Variants in SCFD2 observed in about 807,000 individuals in gnomAD.
The protein encoded by SCFD2 is sec1 family domain-containing protein 2.
SCFD2 carries 54 observed loss-of-function variants against 58.9 expected under a neutral mutation model. That is an observed-to-expected ratio of 0.92 (90% CI 0.74 to 1.15). SCFD2 has a LOEUF of 1.15. Ranked by LOEUF, SCFD2 falls within the 50% of genes most tolerant of loss-of-function variation. The pLI, the probability that SCFD2 is intolerant of heterozygous loss-of-function variation, is 0.00. For synonymous variants in SCFD2, 321 were observed against 335.9 expected, an observed-to-expected ratio of 0.96 and a Z score of 0.49; for missense variants, 805 against 836.6, an observed-to-expected ratio of 0.96 and a Z score of 0.47.
intron 5 of SCFD2, among the ~76,000 whole-genome samples, chr4:53,022,497 A>C (rs1722373553): frequency 6.6e-6 from 1 of 152,228 alleles, no homozygotes; most frequent in Admixed American, 6.5e-5. Flanking sequence ...AGAGCTGCTT[A>C]TCCTTTTCCA....
intron 5 of SCFD2, among the ~76,000 whole-genome samples, chr4:52,972,292 C>T (rs1193012499): frequency 1.1e-4 from 16 of 152,062 alleles, no homozygotes; most frequent in Non-Finnish European, 2.1e-4. Context: ...CAGAGACACA[C>T]ATAGGCTCAA....
At chr4:53,121,636 T>C (rs1403287850) in intron 5 of SCFD2, among the ~76,000 whole-genome samples, 3 of 152,188 alleles carry the variant, frequency 2.0e-5, no homozygotes, top group Non-Finnish European at 4.4e-5. Context: ...TGTGAATTAC[T>C]GGCAGAGCCA....
chr4:53,166,195 T>C (rs1727001520), intron 4 of SCFD2, among the ~76,000 whole-genome samples: 1 of 152,266 alleles, frequency 6.6e-6, no homozygotes. Flanking sequence ...TTAAATTGTC[T>C]CTACTTTTCA....
At chr4:53,351,034 T>G (rs1269364174) in intron 2 of SCFD2, among the ~76,000 whole-genome samples, 4 of 152,188 alleles carry the variant, frequency 2.6e-5, no homozygotes, top group African/African-American at 9.7e-5. Flanking sequence ...CTGGACTCAT[T>G]TCTAGCTCTA....
At chr4:53,250,055 C>T (rs1033307012) in intron 4 of SCFD2, among the ~76,000 whole-genome samples, 1 of 152,062 alleles carries the variant, frequency 6.6e-6, no homozygotes, top group Non-Finnish European at 1.5e-5. Context: ...TCAGGAAACC[C>T]ATCTCACATG....
At chr4:53,113,633 T>C (rs1308609984) in intron 5 of SCFD2, among the ~76,000 whole-genome samples, 1 of 152,114 alleles carries the variant, frequency 6.6e-6, no homozygotes, top group East Asian at 1.9e-4. Context: ...CATAGGTATA[T>C]GTGAGTCATT....
intron 5 of SCFD2, among the ~76,000 whole-genome samples, chr4:53,017,284 C>G (rs546117966): frequency 1.3e-5 from 2 of 152,196 alleles, no homozygotes; most frequent in South Asian, 4.1e-4. Context: ...TCTTCACCCA[C>G]TAGAAATAAA....
At chr4:53,114,644 A>G (rs966693413) in intron 5 of SCFD2, among the ~76,000 whole-genome samples, 2 of 152,168 alleles carry the variant, frequency 1.3e-5, no homozygotes, top group African/African-American at 4.8e-5. Context: ...ATTGAAGGTG[A>G]TGTAGCTATT....
chr4:53,012,839 T>G lies in SCFD2; in HGVS notation c.1562-91969A>C, dbSNP rs1012929606. On this transcript the variant is annotated intron_variant, in intron 5 of 8. Transcript: ENST00000401642. Reference sequence around the variant, plus strand: ...CTGTGTGTGTGTGTGTGTGTGTGTTTTTTTTTAAGAGAGAGAAAGCTAATG... The same window carrying G: ...CTGTGTGTGTGTGTGTGTGTGTGTTGTTTTTTAAGAGAGAGAAAGCTAATG... Among the ~76,000 whole-genome samples the G allele has an allele frequency of 1.7e-3, 254 of 151,624 alleles. 1 individual carries two copies. Among genetic ancestry groups the G allele is most frequent in the African/African-American group, 5.8e-3 (238 of 41,338 alleles).
chr4:53,269,787 G>A (rs1361178855), intron 4 of SCFD2, among the ~76,000 whole-genome samples: 4 of 152,232 alleles, frequency 2.6e-5, no homozygotes, highest in African/African-American at 9.6e-5. Flanking sequence ...AACACTGGGA[G>A]GCCAAGGCGG....
chr4:52,911,191 G>T (rs1385304434), intron 6 of SCFD2, among the ~76,000 whole-genome samples: 1 of 152,258 alleles, frequency 6.6e-6, no homozygotes, highest in African/African-American at 2.4e-5. Context: ...CCTCCTCTGT[G>T]CAAGGCACAG....
intron 4 of SCFD2, among the ~76,000 whole-genome samples, chr4:53,231,137 A>G (rs1729424324): frequency 6.6e-6 from 1 of 152,162 alleles, no homozygotes; most frequent in Non-Finnish European, 1.5e-5. Context: ...TCATGTGTTA[A>G]GTAGGATATA....
Position 53,031,201 on chromosome 4 carries a change from G to A in SCFD2, c.1562-110331C>T, listed in dbSNP as rs554068887. Among the ~76,000 whole-genome samples, 179 of 152,178 alleles carry A rather than the reference G, an allele frequency of 1.2e-3. 1 individual carries two copies. The highest frequency in any genetic ancestry group is 2.0e-3 in the Admixed American group (31 of 15,284). ...GGCAGCAGAAGGGCTTGTTAGAAGG[G>A]AAACTAACAAGCAGAAAGGAAGAGC... On this transcript the variant is annotated intron_variant, in intron 5 of 8. Transcript: ENST00000401642.
At chr4:53,123,190 C>T (rs540113789) in intron 5 of SCFD2, among the ~76,000 whole-genome samples, 1 of 152,126 alleles carries the variant, frequency 6.6e-6, no homozygotes, top group Non-Finnish European at 1.5e-5. Flanking sequence ...TTTCTGTCCC[C>T]CCATTTCCAC....
rs560100586 is a variant in SCFD2 at position 53,075,400 on chromosome 4, G to A, written c.1561+69933C>T. 9.9e-5 allele frequency among the ~76,000 whole-genome samples: 15 copies of A among 152,250 alleles called. No individual in the cohort carries two copies. The East Asian group carries it at 1.5e-3, about 16-fold the overall frequency. Reference sequence around the variant, plus strand: ...GTTACTTATTGTTTGTGTGTTCACCGGAGGAGCACTTTCAATTTCCTTCAA... The same window carrying A: ...GTTACTTATTGTTTGTGTGTTCACCAGAGGAGCACTTTCAATTTCCTTCAA... On this transcript the variant is annotated intron_variant, in intron 5 of 8. Transcript: ENST00000401642.
rs185386900 is a variant in SCFD2, at chr4:52,898,106, C to G, written c.1842+9351G>C. ...TGTTGATCTTTTCAAAAAACCAGCT[C>G]CTGGATTCATTGATTTTTTGAAGGG... On this transcript the variant is annotated intron_variant, in intron 7 of 8. Coordinates refer to ENST00000401642, the MANE Select transcript of SCFD2 (RefSeq NM_152540.4). Among the ~76,000 whole-genome samples, 119 of 152,220 alleles carry G rather than the reference C, an allele frequency of 7.8e-4. 1 individual carries two copies. The East Asian group carries it at 0.019, about 24-fold the overall frequency.
chr4:53,343,447 T>A (rs1325337484), intron 2 of SCFD2, among the ~76,000 whole-genome samples: 5 of 152,138 alleles, frequency 3.3e-5, no homozygotes, highest in Non-Finnish European at 2.9e-5. Flanking sequence ...GTTCTGAAAT[T>A]GAGGCAATAA....
chr4:52,998,846 A>G (rs2148799209), intron 5 of SCFD2, among the ~76,000 whole-genome samples: 1 of 152,338 alleles, frequency 6.6e-6, no homozygotes, highest in African/African-American at 2.4e-5. Flanking sequence ...TATGCCATTA[A>G]CACACTGTTT....
At chr4:52,919,868 C>A (rs1168202085) in intron 6 of SCFD2, among the ~76,000 whole-genome samples, 1 of 152,210 alleles carries the variant, frequency 6.6e-6, no homozygotes, top group Non-Finnish European at 1.5e-5. Flanking sequence ...TGAAGCTGAA[C>A]TCCTCCCCAC....
Sources: gnomAD v4.1 joint callset for allele counts (sites outside exome capture counted in the v4.1 genomes callset) on GRCh38, gnomAD v4.1.1 for gene constraint, MANE v1.5 for transcripts, NCBI Gene and HGNC (gene_info 2026-07-23, HGNC 2026-07-21) for gene names.